Variants in IRAK1BP1 observed in about 807,000 individuals in gnomAD.
IRAK1BP1 encodes interleukin-1 receptor-associated kinase 1-binding protein 1.
In IRAK1BP1, 24 loss-of-function variants were observed where a neutral mutation model predicts 28.0. That is an observed-to-expected ratio of 0.86 (90% CI 0.62 to 1.20). The LOEUF (loss-of-function observed/expected upper bound fraction) is 1.20. Among genes scored for constraint, IRAK1BP1 ranks in the 50% most tolerant of loss-of-function variants. IRAK1BP1 has a pLI of 0.00. For synonymous variants in IRAK1BP1, 131 were observed against 116.3 expected, an observed-to-expected ratio of 1.13 and a Z score of -0.81; for missense variants, 336 against 316.7, an observed-to-expected ratio of 1.06 and a Z score of -0.46.
intron 4 of IRAK1BP1, among the ~76,000 whole-genome samples, chr6:78,910,976 C>A (rs1259938899): frequency 6.6e-6 from 1 of 152,246 alleles, no homozygotes. Flanking sequence ...CGCGGTCCAA[C>A]TGAGCTTTAT....
chr6:78,973,301 A>C, the IRAK1BP1 span, among the ~76,000 whole-genome samples: 1 of 151,284 alleles, frequency 6.6e-6, no homozygotes, highest in Non-Finnish European at 1.5e-5. Flanking sequence ...AAGGAGAAAT[A>C]AAATACTTTA....
intron 1 of IRAK1BP1, among the ~76,000 whole-genome samples, chr6:78,873,246 C>T (rs1172076807): frequency 2.3e-5 from 2 of 87,462 alleles, no homozygotes; most frequent in Non-Finnish European, 4.0e-5. Flanking sequence ...CAGAGTGAAA[C>T]TCTGTCTCAA....
intron 1 of IRAK1BP1, among the ~76,000 whole-genome samples, chr6:78,882,247 A>G (rs1168884202): frequency 6.6e-6 from 1 of 152,174 alleles, no homozygotes; most frequent in Non-Finnish European, 1.5e-5. Flanking sequence ...TCAAAAAGTA[A>G]AGGAAAGGGG....
At chr6:78,958,666 A>AAAAT in the IRAK1BP1 span, 9 of 958,396 alleles carry the variant, frequency 9.4e-6, no homozygotes, top group Non-Finnish European at 1.5e-5. Context: ...CATCATTTAA[A>AAAAT]ACCAAGACAT....
intron 4 of IRAK1BP1, among the ~76,000 whole-genome samples, chr6:78,916,467 G>A (rs1772564504): frequency 6.6e-6 from 1 of 151,976 alleles, no homozygotes; most frequent in Non-Finnish European, 1.5e-5. Context: ...TGGGGGGAGG[G>A]AAGTTACTTA....
Position 78,867,639 on chromosome 6 carries a change from G to A in IRAK1BP1, c.63G>A (p.Arg21=). ...TGGAACTGGTTCCCTGGGCTGACCG[G>A]AGCCGGGAGAACAACCTGGCCTCAG... is the stretch of plus-strand genomic sequence containing the variant. The part of the protein sequence containing the change: ...VFVELVPWAD[R]SRENNLASGR... The change falls in exon 1 of 4, where the codon CGG becomes CGA. Residue 21 remains arginine (R), a synonymous_variant. Transcript: ENST00000369940. 6.2e-7 allele frequency: 1 copy of A among 1,614,234 alleles called. No homozygotes were observed. The highest frequency in any genetic ancestry group is 8.5e-7 in the Non-Finnish European group (1 of 1,180,036).
At chr6:78,921,822 G>A (rs1029954165) in intron 4 of IRAK1BP1, among the ~76,000 whole-genome samples, 1 of 152,216 alleles carries the variant, frequency 6.6e-6, no homozygotes, top group Non-Finnish European at 1.5e-5. Flanking sequence ...AGGGTCTGGA[G>A]TGGACCTCCA....
At chr6:78,874,106 A>T (rs1049385546) in intron 1 of IRAK1BP1, among the ~76,000 whole-genome samples, 1 of 152,208 alleles carries the variant, frequency 6.6e-6, no homozygotes, top group Admixed American at 6.5e-5. Flanking sequence ...ATCTTATACC[A>T]TAGCTTAAAA....
downstream of IRAK1BP1, chr6:78,903,243 G>C (rs1163920372): frequency 2.0e-6 from 1 of 498,376 alleles, no homozygotes; most frequent in African/African-American, 1.9e-5. Flanking sequence ...AACACTTCGG[G>C]AGGCCGAGGC....
chr6:78,947,791 C>G, downstream of IRAK1BP1: 1 of 1,587,030 alleles, frequency 6.3e-7, no homozygotes, highest in Non-Finnish European at 8.6e-7. Context: ...AGAGGGAAAA[C>G]AGGTGGTGTT....
intron 1 of IRAK1BP1, among the ~76,000 whole-genome samples, chr6:78,877,888 T>TG (rs1210065938): frequency 6.6e-6 from 1 of 151,920 alleles, no homozygotes; most frequent in Non-Finnish European, 1.5e-5. Flanking sequence ...GAGCCTCTCT[T>TG]GCTGCTAGCA....
chr6:78,943,891 CAGA>C (rs1213677871), intron 4 of IRAK1BP1, among the ~76,000 whole-genome samples: 3 of 145,404 alleles, frequency 2.1e-5, no homozygotes, highest in South Asian at 2.2e-4. Context: ...GAGGCTGAGG[CAGA>C]AGAATTGCTT....
chr6:78,959,412 A>T, the IRAK1BP1 span, among the ~76,000 whole-genome samples: 2 of 152,160 alleles, frequency 1.3e-5, no homozygotes, highest in African/African-American at 4.8e-5. Flanking sequence ...AGAATCACAG[A>T]TATCTTCAGT....
chr6:78,929,932 GTT>G (rs5877634), intron 4 of IRAK1BP1, among the ~76,000 whole-genome samples: 3 of 151,760 alleles, frequency 2.0e-5, no homozygotes, highest in African/African-American at 7.3e-5. Flanking sequence ...TTCTGACACA[GTT>G]TTTTTTTGTT....
At chr6:78,922,953 CAG>C (rs1205197239) in intron 4 of IRAK1BP1, among the ~76,000 whole-genome samples, 2 of 152,252 alleles carry the variant, frequency 1.3e-5, no homozygotes, top group African/African-American at 4.8e-5. Flanking sequence ...CAATCGGTAC[CAG>C]CCACTGCAAA....
At chr6:78,922,808 A>T (rs1442887759) in intron 4 of IRAK1BP1, among the ~76,000 whole-genome samples, 1 of 152,238 alleles carries the variant, frequency 6.6e-6, no homozygotes. Context: ...CCAGAATTTC[A>T]TATCCAACCA....
At chr6:78,946,767 G>A, downstream of IRAK1BP1, 2 of 1,590,762 alleles carry the variant, frequency 1.3e-6, no homozygotes, top group Non-Finnish European at 8.5e-7. Context: ...TCCTCCTTTT[G>A]GTTATGGTAT....
At chr6:78,941,100 G>A in intron 4 of IRAK1BP1, 1 of 1,613,636 alleles carries the variant, frequency 6.2e-7, no homozygotes, top group Non-Finnish European at 8.5e-7. Flanking sequence ...GAAGAAGGAA[G>A]TACTTCATCT....
At chr6:78,883,595 A>C (rs753138469) in intron 1 of IRAK1BP1, among the ~76,000 whole-genome samples, 1 of 152,154 alleles carries the variant, frequency 6.6e-6, no homozygotes, top group African/African-American at 2.4e-5. Context: ...AAAATGAGAC[A>C]TGTTTTATGA....
Sources: allele counts gnomAD v4.1 joint callset (sites outside exome capture counted in the v4.1 genomes callset), GRCh38; gene constraint gnomAD v4.1.1; transcripts MANE v1.5; gene names NCBI Gene and HGNC (gene_info 2026-07-23, HGNC 2026-07-21).